ALLC: variants seen among roughly 807,000 people sequenced by gnomAD.
ALLC encodes the protein probable inactive allantoicase.
Under a neutral mutation model 45.0 loss-of-function variants are expected in ALLC, and 40 were observed. The observed-to-expected ratio is 0.89, with a 90% CI of 0.69 to 1.16. The LOEUF is 1.16. Among genes scored for constraint, ALLC ranks in the 50% most tolerant of loss-of-function variants. ALLC has a pLI of 0.00. For missense variants in ALLC, 488 were observed against 493.1 expected, an observed-to-expected ratio of 0.99 and a Z score of 0.10; for synonymous variants, 176 against 178.1, an observed-to-expected ratio of 0.99 and a Z score of 0.09.
the ALLC span, among the ~76,000 whole-genome samples, chr2:3,652,580 ATTTTTTTTTT>A: frequency 1.0e-3 from 98 of 93,352 alleles, no homozygotes; most frequent in Non-Finnish European, 1.2e-3. Context: ...AAACTTTGTG[ATTTTTTTTTT>A]TTTTTTTTTT....
At chr2:3,668,350 C>CTT (rs1272060845) in intron 1 of ALLC, among the ~76,000 whole-genome samples, 1 of 152,056 alleles carries the variant, frequency 6.6e-6, no homozygotes, top group Non-Finnish European at 1.5e-5. Context: ...GAGGGAGGTG[C>CTT]TTGTGGCCAA....
At chr2:3,701,868 GA>G (rs1667851904) in intron 11 of ALLC, among the ~76,000 whole-genome samples, 1 of 152,182 alleles carries the variant, frequency 6.6e-6, no homozygotes, top group South Asian at 2.1e-4. Flanking sequence ...TACATACGTG[GA>G]AACATGTCTC....
chr2:3,677,581 C>T (rs1391928817), intron 3 of ALLC, among the ~76,000 whole-genome samples: 4 of 152,216 alleles, frequency 2.6e-5, no homozygotes, highest in African/African-American at 9.6e-5. Context: ...AGGAGGAGCA[C>T]TGAGGCACAG....
Position 3,682,954 on chromosome 2 carries a change from G to T in ALLC, c.391G>T (p.Asp131Tyr). Residue 131 changes from aspartate to tyrosine, a missense_variant, in exon 7 of 12, where the codon GAC becomes TAC. Coordinates refer to ENST00000252505, the MANE Select transcript of ALLC (RefSeq NM_018436.4). Reference protein sequence around the residue: ...FEAIAELKSDDWSYLVPMTEL... With the variant: ...FEAIAELKSDYWSYLVPMTEL... ...TATTTATTGCTAGCTAAAATCCGACGACTGGAGTTACTTGGTTCCCATGAC... is the reference window on the plus strand; with the variant it reads ...TATTTATTGCTAGCTAAAATCCGACTACTGGAGTTACTTGGTTCCCATGAC... The T allele has an allele frequency of 4.3e-6, 7 of 1,612,510 alleles. No individual in the cohort carries two copies. The South Asian group carries it at 6.6e-5, about 15-fold the overall frequency.
At position 3,702,514 on chromosome 2, in the gene ALLC, G is replaced by A. The variant is rs1177992254; in HGVS notation, c.1127G>A (p.Arg376Gln). The A allele has an allele frequency of 1.2e-6, 2 of 1,608,678 alleles. No homozygotes were observed. Among genetic ancestry groups the A allele is most frequent in the Non-Finnish European group, 1.7e-6 (2 of 1,178,002 alleles). The change falls in exon 12 of 12, where the codon CGG (arginine) becomes CAG (glutamine). Residue 376 changes from arginine to glutamine, a missense_variant. Transcript: ENST00000252505. ...AGCTCCATCTGCCTCCTGAGGCCCCGGGAGAAGCCCATGTTGAAGTTCTCG... is the reference window on the plus strand; with the variant it reads ...AGCTCCATCTGCCTCCTGAGGCCCCAGGAGAAGCCCATGTTGAAGTTCTCG... ...FPSSICLLRP[R>Q]EKPMLKFSVS...
chr2:3,664,906 A>ACCC (rs569681466), intron 1 of ALLC, among the ~76,000 whole-genome samples: 1 of 145,178 alleles, frequency 6.9e-6, no homozygotes, highest in African/African-American at 2.6e-5. Context: ...CAAAACCAAA[A>ACCC]CCCCCCCCCA....
At chr2:3,687,143 A>G (rs1667352308) in intron 7 of ALLC, among the ~76,000 whole-genome samples, 2 of 150,144 alleles carry the variant, frequency 1.3e-5, no homozygotes, top group Non-Finnish European at 3.0e-5. Context: ...TTTTTTTCTT[A>G]TCATGAAGTG....
chr2:3,650,082 T>A, the ALLC span, among the ~76,000 whole-genome samples: 7 of 152,244 alleles, frequency 4.6e-5, no homozygotes, highest in Non-Finnish European at 1.0e-4. Context: ...TTCACCCCTT[T>A]CTCCCCTCTT....
chr2:3,655,018 C>T (rs530084675), upstream of ALLC, among the ~76,000 whole-genome samples: 1 of 152,382 alleles, frequency 6.6e-6, no homozygotes, highest in East Asian at 1.9e-4. Flanking sequence ...TCTCAGCCTG[C>T]AGTCGAGGTG....
chr2:3,647,883 G>A, the ALLC span, among the ~76,000 whole-genome samples: 9 of 152,206 alleles, frequency 5.9e-5, no homozygotes, highest in East Asian at 5.8e-4. Context: ...CTTGATGTGC[G>A]CCGGTGAGAC....
chr2:3,667,210 G>A (rs753243456), intron 1 of ALLC, among the ~76,000 whole-genome samples: 13 of 152,282 alleles, frequency 8.5e-5, no homozygotes, highest in East Asian at 1.9e-4. Flanking sequence ...CTCACTGAGC[G>A]TGTGTCTTCA....
chr2:3,647,079 C>CA, the ALLC span, among the ~76,000 whole-genome samples: 1 of 152,180 alleles, frequency 6.6e-6, no homozygotes, highest in Admixed American at 6.5e-5. Flanking sequence ...CTCATCCCCC[C>CA]ATTGCCTCTG....
At chr2:3,654,023 G>C (rs931888344), upstream of ALLC, among the ~76,000 whole-genome samples, 1 of 152,238 alleles carries the variant, frequency 6.6e-6, no homozygotes, top group African/African-American at 2.4e-5. Context: ...AGTCTCAAGA[G>C]ATTGCACTCA....
chr2:3,650,187 G>A, the ALLC span, among the ~76,000 whole-genome samples: 13 of 152,252 alleles, frequency 8.5e-5, no homozygotes, highest in Non-Finnish European at 1.6e-4. Context: ...TGAGAGGGCA[G>A]AGGAAGCCGG....
intron 1 of ALLC, among the ~76,000 whole-genome samples, chr2:3,667,169 C>T (rs919263743): frequency 8.5e-5 from 13 of 152,202 alleles, no homozygotes; most frequent in African/African-American, 3.1e-4. Context: ...CTGGCATCCA[C>T]CCCTAAAGGG....
intron 4 of ALLC, 146 bp from the exon 5 acceptor site, chr2:3,679,722 TA>T (rs1057437915): frequency 8.7e-6 from 9 of 1,029,854 alleles, no homozygotes; most frequent in Non-Finnish European, 1.5e-6. Flanking sequence ...ACAGTCATAT[TA>T]GCTAAGAACC....
chr2:3,702,564 C>A lies in ALLC; in HGVS notation c.*1C>A. 1 of 1,559,374 alleles carries A rather than the reference C, an allele frequency of 6.4e-7. No homozygotes were observed. The highest frequency in any genetic ancestry group is 8.7e-7 in the Non-Finnish European group (1 of 1,154,238). ...GGTGAGCTTCAAAGCAAACCCTTAA[C>A]ACACACAAAGCCCCGGTGTCGGACA... On this transcript the variant is annotated 3_prime_UTR_variant, in exon 12 of 12. Coordinates refer to ENST00000252505, the MANE Select transcript of ALLC (RefSeq NM_018436.4).
chr2:3,654,820 A>G (rs1165344329), upstream of ALLC, among the ~76,000 whole-genome samples: 2 of 152,198 alleles, frequency 1.3e-5, no homozygotes, highest in African/African-American at 4.8e-5. Flanking sequence ...GGCATTTGCA[A>G]CTCTGCCTGG....
chr2:3,682,681 A>G (rs900276022), intron 6 of ALLC, among the ~76,000 whole-genome samples: 67 of 152,072 alleles, frequency 4.4e-4, no homozygotes, highest in Non-Finnish European at 7.8e-4. Flanking sequence ...GCCCGCCACC[A>G]CGCCCGGCTA....
Sources: allele counts gnomAD v4.1 joint callset (sites outside exome capture counted in the v4.1 genomes callset), GRCh38; gene constraint gnomAD v4.1.1; transcripts MANE v1.5; gene names NCBI Gene and HGNC (gene_info 2026-07-23, HGNC 2026-07-21).